HTR1F: variants seen among roughly 807,000 people sequenced by gnomAD.
The protein encoded by HTR1F is 5-hydroxytryptamine (serotonin) receptor 1F, G protein-coupled.
HTR1F carries 17 observed loss-of-function variants against 24.0 expected under a neutral mutation model. That is an observed-to-expected ratio of 0.71 (90% CI 0.48 to 1.06). HTR1F has a LOEUF of 1.06. Ranked by LOEUF, HTR1F falls within the 50% of genes least tolerant of loss-of-function variation. HTR1F has a pLI of 0.00. For missense variants in HTR1F, 391 were observed against 427.8 expected (o/e 0.91, Z 0.76); for synonymous variants, 186 against 156.8 (o/e 1.19, Z -1.39).
intron 1 of HTR1F, among the ~76,000 whole-genome samples, chr3:87,809,157 T>C (rs567486567): frequency 1.3e-5 from 2 of 151,936 alleles, no homozygotes; most frequent in African/African-American, 4.8e-5. Context: ...AAATAGTCAA[T>C]ATATCATCAC....
At chr3:87,808,756 C>A (rs1294767830) in intron 1 of HTR1F, among the ~76,000 whole-genome samples, 1 of 151,710 alleles carries the variant, frequency 6.6e-6, no homozygotes, top group Non-Finnish European at 1.5e-5. Context: ...ATTCTATCAG[C>A]TTTGTTCTTA....
intron 2 of HTR1F, among the ~76,000 whole-genome samples, chr3:87,961,337 GA>G (rs1705056351): frequency 6.6e-6 from 1 of 152,032 alleles, no homozygotes; most frequent in South Asian, 2.1e-4. Flanking sequence ...ACCCCATTCC[GA>G]GCCAACTCTA....
intron 2 of HTR1F, among the ~76,000 whole-genome samples, chr3:87,922,948 T>C (rs1424099494): frequency 1.3e-5 from 2 of 151,406 alleles, no homozygotes; most frequent in Non-Finnish European, 3.0e-5. Flanking sequence ...AATTTTTATA[T>C]ATAGGGAGAG....
chr3:87,945,202 G>A (rs1442259647), intron 2 of HTR1F, among the ~76,000 whole-genome samples: 3 of 151,828 alleles, frequency 2.0e-5, no homozygotes, highest in Admixed American at 1.3e-4. Flanking sequence ...GGTGGGGAAC[G>A]GGTCCCACAT....
intron 2 of HTR1F, among the ~76,000 whole-genome samples, chr3:87,927,903 C>T (rs1704165888): frequency 6.6e-6 from 1 of 151,932 alleles, no homozygotes; most frequent in South Asian, 2.1e-4. Context: ...AATTTTAAAG[C>T]TTTTAAAAAT....
intron 1 of HTR1F, among the ~76,000 whole-genome samples, chr3:87,806,862 C>T (rs1008684751): frequency 5.3e-5 from 8 of 151,808 alleles, no homozygotes; most frequent in African/African-American, 1.2e-4. Flanking sequence ...TGTATACATT[C>T]GGTTTTCCTA....
chr3:87,885,035 T>C (rs956417061), intron 2 of HTR1F, among the ~76,000 whole-genome samples: 10 of 152,188 alleles, frequency 6.6e-5, no homozygotes, highest in Admixed American at 6.5e-4. Flanking sequence ...CGACAGAATA[T>C]ACATTCTCCT....
At chr3:87,981,993 C>T (rs1705554420) in intron 2 of HTR1F, among the ~76,000 whole-genome samples, 1 of 151,764 alleles carries the variant, frequency 6.6e-6, no homozygotes. Flanking sequence ...AGTTCAGTGG[C>T]AGATCTCAGC....
intron 2 of HTR1F, among the ~76,000 whole-genome samples, chr3:87,882,356 G>A (rs1705823588): frequency 6.6e-6 from 1 of 151,932 alleles, no homozygotes; most frequent in Admixed American, 6.6e-5. Flanking sequence ...CCCATTACTG[G>A]GTATATACCC....
At chr3:87,939,825 A>G (rs75973383) in intron 2 of HTR1F, among the ~76,000 whole-genome samples, 1 of 152,230 alleles carries the variant, frequency 6.6e-6, no homozygotes, top group African/African-American at 2.4e-5. Flanking sequence ...TCCTGGATTC[A>G]TTGACTTTTT....
At chr3:87,840,780 C>T (rs1195140944) in intron 2 of HTR1F, among the ~76,000 whole-genome samples, 2 of 151,932 alleles carry the variant, frequency 1.3e-5, no homozygotes, top group Non-Finnish European at 2.9e-5. Context: ...TCATTTGCAA[C>T]AACATGGCTG....
At chr3:87,946,599 A>G (rs189149750) in intron 2 of HTR1F, among the ~76,000 whole-genome samples, 19 of 142,010 alleles carry the variant, frequency 1.3e-4, no homozygotes, top group Admixed American at 8.6e-4. Context: ...ATTTACATAT[A>G]TGTGTGTGTG....
intron 1 of HTR1F, among the ~76,000 whole-genome samples, chr3:87,817,001 A>G (rs1704261806): frequency 6.6e-6 from 1 of 152,160 alleles, no homozygotes; most frequent in South Asian, 2.1e-4. Flanking sequence ...GTATTTATAA[A>G]TGTAAGGTAT....
At chr3:87,973,930 G>A (rs1034711015) in intron 2 of HTR1F, among the ~76,000 whole-genome samples, 11 of 152,148 alleles carry the variant, frequency 7.2e-5, no homozygotes, top group Non-Finnish European at 1.2e-4. Flanking sequence ...TTAATCAATA[G>A]TCTAGGCAGG....
intron 2 of HTR1F, among the ~76,000 whole-genome samples, chr3:87,934,836 TG>T (rs1704372952): frequency 6.6e-6 from 1 of 152,166 alleles, no homozygotes; most frequent in Non-Finnish European, 1.5e-5. Context: ...AAATTCAGAA[TG>T]TCTGAATTTA....
intron 2 of HTR1F, among the ~76,000 whole-genome samples, chr3:87,911,290 G>A (rs184349744): frequency 1.3e-5 from 2 of 151,948 alleles, no homozygotes; most frequent in African/African-American, 2.4e-5. Context: ...GGATGTTACC[G>A]CTGACCACAC....
At chr3:87,864,902 A>AAAAAGAAAAGAAAAGAAAAG in intron 2 of HTR1F, among the ~76,000 whole-genome samples, 1 of 144,470 alleles carries the variant, frequency 6.9e-6, no homozygotes, top group African/African-American at 2.7e-5. Flanking sequence ...AAAAAAAAAA[A>AAAAAGAAAAGAAAAGAAAAG]AAAAGAAAAG....
In HTR1F at chr3:87,821,911, A is replaced by G. The variant is rs113391856; in HGVS notation, c.-159-97A>G. 1.8e-3 allele frequency among the ~76,000 whole-genome samples: 279 copies of G among 152,318 alleles called. 2 individuals carry two copies. The highest frequency in any genetic ancestry group is 6.5e-3 in the African/African-American group (270 of 41,576). ...GGTCAGAGAGGGGGAAAGAAAGGTA[A>G]CAATTGTTTGAGCAGATCAGCCAGG... is the stretch of plus-strand genomic sequence containing the variant. On this transcript the variant is annotated intron_variant, in intron 1 of 2. Transcript: ENST00000319595.
chr3:87,858,052 G>A (rs1705236709), intron 2 of HTR1F, among the ~76,000 whole-genome samples: 1 of 152,148 alleles, frequency 6.6e-6, no homozygotes. Context: ...GATTGCAACA[G>A]TAAAAGGAGA....
Sources: allele counts gnomAD v4.1 joint callset (sites outside exome capture counted in the v4.1 genomes callset), GRCh38; gene constraint gnomAD v4.1.1; transcripts MANE v1.5; gene names NCBI Gene and HGNC (gene_info 2026-07-23, HGNC 2026-07-21).